Variants in ATRN observed in about 807,000 individuals in gnomAD.
The protein encoded by ATRN is attractin-2.
ATRN carries 54 observed loss-of-function variants against 178.7 expected under a neutral mutation model. That is an observed-to-expected ratio of 0.30 (90% CI 0.24 to 0.38). The LOEUF (loss-of-function observed/expected upper bound fraction) is 0.38, where lower values mean the gene tolerates loss of function less well. Ranked by LOEUF, ATRN falls within the 10% of genes least tolerant of loss-of-function variation. ATRN has a pLI of 1.00. For synonymous variants in ATRN, 636 were observed against 663.0 expected, an observed-to-expected ratio of 0.96 and a Z score of 0.63; for missense variants, 1,443 against 1,815.1, an observed-to-expected ratio of 0.79 and a Z score of 3.73.
intron 1 of ATRN, among the ~76,000 whole-genome samples, chr20:3,520,454 G>A (rs2085277560): frequency 6.6e-6 from 1 of 152,162 alleles, no homozygotes. Context: ...AAGTTCAGTA[G>A]TATTTCCAGG....
rs2087102268 is a variant in ATRN, at chr20:3,645,678, CCT to C, written c.4166-1044_4166-1043del. ...CGTCCTTGCTGCCCCTTCTGTACCC[CCT>C]GTTTTAAGTGGTGCCCTTTTCTAGG... is the stretch of plus-strand genomic sequence containing the variant. On this transcript the variant is annotated intron_variant, in intron 28 of 28. Coordinates refer to ENST00000262919, the MANE Select transcript of ATRN (RefSeq NM_139321.3). The surrounding 1 kb of genome is among the most constrained non-coding windows in gnomAD (Gnocchi z 4.7). Among the ~76,000 whole-genome samples the C allele has an allele frequency of 6.6e-6, 1 of 152,200 alleles. No individual in the cohort carries two copies. The highest frequency in any genetic ancestry group is 2.1e-4 in the South Asian group (1 of 4,832).
intron 6 of ATRN, among the ~76,000 whole-genome samples, chr20:3,555,371 C>G (rs1364616262): frequency 1.3e-5 from 2 of 151,904 alleles, no homozygotes; most frequent in African/African-American, 2.4e-5. Flanking sequence ...GGTGATAGCC[C>G]AAAATCTGGA....
At position 3,551,407 on chromosome 20, in the gene ATRN, G is replaced by A. The variant is rs139208997; in HGVS notation, c.1112+2069G>A. On this transcript the variant is annotated intron_variant, in intron 6 of 28. Transcript: ENST00000262919. ...GGGCTCCCCTTGGGATCAGGCCAAA[G>A]CTATACTTCAACTGAGACCACCTTT... is the stretch of plus-strand genomic sequence containing the variant. Among the ~76,000 whole-genome samples the A allele has an allele frequency of 3.2e-3, 492 of 152,234 alleles. 10 individuals carry two copies. Among genetic ancestry groups the A allele is most frequent in the Non-Finnish European group, 1.2e-3 (83 of 68,028 alleles).
In ATRN at chr20:3,594,495, G is replaced by C; in HGVS notation, c.3339G>C (p.Gly1113=). 6.2e-7 allele frequency: 1 copy of C among 1,610,874 alleles called. No individual in the cohort carries two copies. ...GGKCQPCKCN[G]HASLCNTNTG... ...TCTCTGCAGCATGCAAGTGCAATGG[G>C]CACGCGTCTCTGTGCAACACCAACA... The change falls in exon 20 of 29, where the codon GGG becomes GGC. Residue 1113 remains glycine (G), a synonymous_variant. Transcript: ENST00000262919.
chr20:3,608,752 A>C (rs891105379), intron 24 of ATRN, among the ~76,000 whole-genome samples: 2 of 152,184 alleles, frequency 1.3e-5, no homozygotes, highest in Admixed American at 6.5e-5. Flanking sequence ...GGATCACCTG[A>C]GGTCAGGAGT....
intron 1 of ATRN, among the ~76,000 whole-genome samples, chr20:3,497,654 T>G (rs920444724): frequency 3.9e-5 from 6 of 152,022 alleles, no homozygotes; most frequent in African/African-American, 1.4e-4. Flanking sequence ...AGTTGCTCTT[T>G]TCGAGGAGTA....
chr20:3,570,355 T>C (rs1365369362), intron 11 of ATRN, among the ~76,000 whole-genome samples: 1 of 152,190 alleles, frequency 6.6e-6, no homozygotes, highest in Non-Finnish European at 1.5e-5. Context: ...ATATAACATA[T>C]TGGTCTCTCT....
chr20:3,629,017 C>A (rs1405080753), intron 25 of ATRN: 2 of 985,192 alleles, frequency 2.0e-6, no homozygotes, highest in African/African-American at 3.5e-5. Context: ...GTGTTCCCCA[C>A]CTCACTAACT....
At chr20:3,580,828 G>GTAT (rs1328955010) in intron 15 of ATRN, among the ~76,000 whole-genome samples, 1 of 152,144 alleles carries the variant, frequency 6.6e-6, no homozygotes, top group Non-Finnish European at 1.5e-5. Flanking sequence ...GATTTGAATT[G>GTAT]TATCGTGAAG....
At chr20:3,472,977 G>C (rs1418353152) in intron 1 of ATRN, among the ~76,000 whole-genome samples, 1 of 152,238 alleles carries the variant, frequency 6.6e-6, no homozygotes, top group Non-Finnish European at 1.5e-5. Flanking sequence ...CTCAGAGAAC[G>C]TTGAGCAGAT....
In ATRN at chr20:3,644,233, G is replaced by A. The variant is rs145213460; in HGVS notation, c.4130G>A (p.Arg1377Gln). The change falls in exon 28 of 29, where the codon CGA becomes CAA. Residue 1377 changes from arginine to glutamine, a missense_variant. Coordinates refer to ENST00000262919, the MANE Select transcript of ATRN (RefSeq NM_139321.3). Reference sequence around the variant, plus strand: ...CTCTCTGTGTTTGTGAGGCTCCCTCGAGGCCTGGGTGGCATCCCTCCTCCT... The same window carrying A: ...CTCTCTGTGTTTGTGAGGCTCCCTCAAGGCCTGGGTGGCATCCCTCCTCCT... ...AVLSVFVRLP[R>Q]GLGGIPPPGQ... 19 of 1,614,048 alleles carry A rather than the reference G, an allele frequency of 1.2e-5. No homozygotes were observed. In the Middle Eastern group the frequency reaches 4.9e-4, roughly 42 times the overall value.
intron 25 of ATRN, chr20:3,629,149 AC>A: frequency 3.0e-6 from 3 of 984,186 alleles, no homozygotes; most frequent in Non-Finnish European, 3.6e-6. Context: ...CACCCCACCA[AC>A]CCTAGCATCA....
chr20:3,622,239 C>G (rs1325056645), intron 24 of ATRN, among the ~76,000 whole-genome samples: 5 of 152,230 alleles, frequency 3.3e-5, no homozygotes. Flanking sequence ...CCAAAGTCCT[C>G]CCTTAATCTC....
intron 18 of ATRN, among the ~76,000 whole-genome samples, chr20:3,586,874 T>G (rs1421962301): frequency 6.6e-6 from 1 of 152,228 alleles, no homozygotes; most frequent in African/African-American, 2.4e-5. Flanking sequence ...ATATGAAGGT[T>G]CATATCTTTC....
At chr20:3,539,218 C>A (rs1426947217) in intron 2 of ATRN, among the ~76,000 whole-genome samples, 1 of 152,160 alleles carries the variant, frequency 6.6e-6, no homozygotes, top group Non-Finnish European at 1.5e-5. Flanking sequence ...CCAGAGCTTT[C>A]TGAGTGGAGT....
At chr20:3,635,542 A>C (rs900908937) in intron 26 of ATRN, among the ~76,000 whole-genome samples, 3 of 152,162 alleles carry the variant, frequency 2.0e-5, no homozygotes, top group African/African-American at 7.2e-5. Context: ...CGTGTATATA[A>C]GATCTAGACA....
At chr20:3,512,124 T>C (rs2146129868) in intron 1 of ATRN, among the ~76,000 whole-genome samples, 1 of 144,180 alleles carries the variant, frequency 6.9e-6, no homozygotes, top group Admixed American at 6.9e-5. Flanking sequence ...TTTTTTATTA[T>C]ACTTTAAGTT....
At chr20:3,495,690 G>A (rs920112613) in intron 1 of ATRN, among the ~76,000 whole-genome samples, 1 of 151,810 alleles carries the variant, frequency 6.6e-6, no homozygotes, top group Non-Finnish European at 1.5e-5. Context: ...CTTGTTCACA[G>A]AGCAGAGTAC....
chr20:3,616,200 C>G (rs915144591), intron 24 of ATRN, among the ~76,000 whole-genome samples: 2 of 152,164 alleles, frequency 1.3e-5, no homozygotes, highest in African/African-American at 4.8e-5. Flanking sequence ...TCCACACCAT[C>G]TGGGAACATT....
Sources: allele counts gnomAD v4.1 joint callset (sites outside exome capture counted in the v4.1 genomes callset), GRCh38; gene constraint gnomAD v4.1.1; non-coding constraint Gnocchi (gnomAD v3.1); transcripts MANE v1.5; gene names NCBI Gene and HGNC (gene_info 2026-07-23, HGNC 2026-07-21).